The following SYN3 variants were observed in gnomAD, a reference collection of about 807,000 sequenced individuals.
The protein encoded by SYN3 is synapsin-3.
Under a neutral mutation model 65.8 loss-of-function variants are expected in SYN3, and 35 were observed. The observed-to-expected ratio is 0.53, with a 90% CI of 0.41 to 0.70. The LOEUF is 0.70. Among genes scored for constraint, SYN3 ranks in the 30% least tolerant of loss-of-function variants. The probability of loss-of-function intolerance (pLI) is 0.00; values close to 1 mark genes in which losing one functional copy is unlikely to be tolerated. For missense variants in SYN3, 680 were observed against 749.0 expected, an observed-to-expected ratio of 0.91 and a Z score of 1.08; for synonymous variants, 270 against 292.9, an observed-to-expected ratio of 0.92 and a Z score of 0.80.
At chr22:32,898,946 C>T (rs1405070636) in intron 4 of SYN3, among the ~76,000 whole-genome samples, 1 of 151,988 alleles carries the variant, frequency 6.6e-6, no homozygotes, top group East Asian at 1.9e-4. Flanking sequence ...ACTAAAAATA[C>T]AAAAAATTAG....
chr22:33,000,924 T>C (rs1374304769), intron 2 of SYN3, among the ~76,000 whole-genome samples: 1 of 152,122 alleles, frequency 6.6e-6, no homozygotes, highest in Non-Finnish European at 1.5e-5. Context: ...TTTTCCGGGA[T>C]TCTTCAGGAC....
intron 10 of SYN3, among the ~76,000 whole-genome samples, chr22:32,532,572 C>T (rs1269392881): frequency 6.6e-6 from 1 of 152,266 alleles, no homozygotes; most frequent in Non-Finnish European, 1.5e-5. Context: ...CCTGGCCTCT[C>T]TGGGGAGGAG....
At position 32,734,513 on chromosome 22, in the gene SYN3, G is replaced by GCAGACAGA. The variant is rs6147593; in HGVS notation, c.711+130394_711+130401dup. On this transcript the variant is annotated intron_variant, in intron 6 of 13. Transcript: ENST00000358763. ...GGAGGAGCAGAGAAGAGGCAGGCAG[G>GCAGACAGA]CAGACAGACAGACAGACAGACATCG... is the stretch of plus-strand genomic sequence containing the variant. Among the ~76,000 whole-genome samples, 1,374 of 151,432 alleles carry GCAGACAGA rather than the reference G, an allele frequency of 9.1e-3. 21 individuals carry two copies. Among genetic ancestry groups the GCAGACAGA allele is most frequent in the African/African-American group, 0.032 (1,301 of 41,180 alleles).
At chr22:32,589,112 A>G (rs1395241753) in intron 7 of SYN3, among the ~76,000 whole-genome samples, 1 of 152,214 alleles carries the variant, frequency 6.6e-6, no homozygotes, top group Non-Finnish European at 1.5e-5. Context: ...CCTGCTCTGC[A>G]GGAGGAGTCA....
chr22:32,594,781 C>G (rs1212423554), intron 7 of SYN3, among the ~76,000 whole-genome samples: 1 of 152,084 alleles, frequency 6.6e-6, no homozygotes, highest in Non-Finnish European at 1.5e-5. Flanking sequence ...AGCCACCACG[C>G]CCAGCTGACC....
chr22:32,788,805 G>T (rs1484919017), intron 6 of SYN3, among the ~76,000 whole-genome samples: 1 of 152,164 alleles, frequency 6.6e-6, no homozygotes, highest in Non-Finnish European at 1.5e-5. Flanking sequence ...TCATGACTTG[G>T]CATTGCCACT....
chr22:33,028,691 ATGGTGG>A (rs1170552905), intron 1 of SYN3, among the ~76,000 whole-genome samples: 13 of 43,154 alleles, frequency 3.0e-4, no homozygotes, highest in East Asian at 5.6e-4. Context: ...GGTGGTGGTG[ATGGTGG>A]TGGTGGTGGT....
chr22:32,871,865 T>C (rs2048857988), intron 4 of SYN3, among the ~76,000 whole-genome samples: 1 of 152,160 alleles, frequency 6.6e-6, no homozygotes, highest in Non-Finnish European at 1.5e-5. Context: ...TGAACTTAAG[T>C]GATCCTCCTG....
At chr22:32,802,100 C>T in intron 6 of SYN3, 1 of 1,581,986 alleles carries the variant, frequency 6.3e-7, no homozygotes, top group Non-Finnish European at 8.6e-7. Context: ...ACCCCCAGGA[C>T]GCCTTCTGCA....
intron 6 of SYN3, among the ~76,000 whole-genome samples, chr22:32,848,877 CTA>C (rs71649397): frequency 0.071 from 10,870 of 152,248 alleles, 624 homozygotes; most frequent in African/African-American, 0.16. Context: ...AGCTCAGACT[CTA>C]TTGCATCCCT....
intron 6 of SYN3, among the ~76,000 whole-genome samples, chr22:32,611,284 GTTTTTT>G (rs1201383074): frequency 0.022 from 2,052 of 94,578 alleles, 38 homozygotes; most frequent in African/African-American, 0.073. Context: ...TTTTTTTTTT[GTTTTTT>G]TTTTTTTTTT....
At chr22:32,756,045 G>C (rs1267923284) in intron 6 of SYN3, among the ~76,000 whole-genome samples, 1 of 151,660 alleles carries the variant, frequency 6.6e-6, no homozygotes, top group Non-Finnish European at 1.5e-5. Context: ...CACAGGGAGA[G>C]GAACATCACA....
intron 6 of SYN3, among the ~76,000 whole-genome samples, chr22:32,657,123 TTTTC>T (rs2146980359): frequency 6.8e-6 from 1 of 146,188 alleles, no homozygotes; most frequent in South Asian, 2.2e-4. Flanking sequence ...CTCACTTCTC[TTTTC>T]TTTTTTTTCT....
chr22:32,596,789 G>A, intron 6 of SYN3, 53 bp from the exon 7 acceptor site: 1 of 1,532,794 alleles, frequency 6.5e-7, no homozygotes, highest in Non-Finnish European at 9.0e-7. Flanking sequence ...TTGCCACCAA[G>A]GCTCTGGGTG....
At chr22:32,534,583 T>G (rs994780217) in intron 9 of SYN3, among the ~76,000 whole-genome samples, 1 of 152,226 alleles carries the variant, frequency 6.6e-6, no homozygotes, top group Non-Finnish European at 1.5e-5. Context: ...CACTGGACTC[T>G]GACCCTGCAA....
intron 2 of SYN3, among the ~76,000 whole-genome samples, chr22:32,992,515 T>C (rs551727190): frequency 6.6e-6 from 1 of 152,146 alleles, no homozygotes; most frequent in Non-Finnish European, 1.5e-5. Context: ...CTTACACCAC[T>C]TAAAAAATTC....
intron 7 of SYN3, among the ~76,000 whole-genome samples, chr22:32,542,528 TCTG>T (rs2058273016): frequency 2.1e-5 from 3 of 146,296 alleles, no homozygotes; most frequent in South Asian, 2.1e-4. Context: ...ATGCGGTGCT[TCTG>T]TGTGTGTGTG....
chr22:32,887,775 TC>T (rs1306578902), intron 4 of SYN3, among the ~76,000 whole-genome samples: 1 of 152,218 alleles, frequency 6.6e-6, no homozygotes, highest in Non-Finnish European at 1.5e-5. Context: ...TTGGGTTGTC[TC>T]CAGATTGGGG....
chr22:32,815,280 CA>C (rs2047058348), intron 6 of SYN3, among the ~76,000 whole-genome samples: 1 of 152,188 alleles, frequency 6.6e-6, no homozygotes, highest in African/African-American at 2.4e-5. Context: ...TTGTGGGTCC[CA>C]GTGCAGGGAA....
Sources: gnomAD v4.1 joint callset for allele counts (sites outside exome capture counted in the v4.1 genomes callset) on GRCh38, gnomAD v4.1.1 for gene constraint, MANE v1.5 for transcripts, NCBI Gene and HGNC (gene_info 2026-07-23, HGNC 2026-07-21) for gene names.